The following PCDHA6 variants were observed in gnomAD, a reference collection of about 807,000 sequenced individuals.
PCDHA6 encodes protocadherin alpha-6.
Under a neutral mutation model 60.3 loss-of-function variants are expected in PCDHA6, and 55 were observed. That is an observed-to-expected ratio of 0.91 (90% CI 0.73 to 1.14). The LOEUF is 1.14. Ranked by LOEUF, PCDHA6 falls within the 50% of genes most tolerant of loss-of-function variation. The pLI is 0.00. For missense variants in PCDHA6, 1,327 were observed against 1,256.5 expected (o/e 1.06, Z -0.85); for synonymous variants, 652 against 557.9 (o/e 1.17, Z -2.38).
In PCDHA6 at chr5:140,842,828, T is replaced by G. The variant is rs2150345538; in HGVS notation, c.2394+12343T>G. 123 of 1,593,622 alleles carry G rather than the reference T, an allele frequency of 7.7e-5. 15 individuals carry two copies. Among genetic ancestry groups the G allele is most frequent in the Admixed American group, 1.7e-4 (10 of 59,284 alleles). ...TGTGGAGCGGCGGGTGGGCGAGCGCTCGCTGTCGAGCTACATTTCGGTGCA... is the reference window on the plus strand; with the variant it reads ...TGTGGAGCGGCGGGTGGGCGAGCGCGCGCTGTCGAGCTACATTTCGGTGCA... On this transcript the variant is annotated intron_variant, in intron 1 of 3. Coordinates refer to ENST00000529310, the MANE Select transcript of PCDHA6 (RefSeq NM_018909.4).
intron 1 of PCDHA6, chr5:140,883,607 G>A (rs782736793): frequency 6.2e-7 from 1 of 1,613,968 alleles, no homozygotes; most frequent in Non-Finnish European, 8.5e-7. Context: ...GGGGGTGGCC[G>A]ACGTGAACGA....
intron 1 of PCDHA6, chr5:140,870,282 C>T (rs886699693): frequency 6.2e-7 from 1 of 1,614,228 alleles, no homozygotes; most frequent in Non-Finnish European, 8.5e-7. Context: ...CCCACGTTCC[C>T]TTCAAGCTGG....
chr5:140,968,782 C>T (rs1256152245), intron 1 of PCDHA6: 43 of 1,614,072 alleles, frequency 2.7e-5, no homozygotes, highest in African/African-American at 8.0e-5. Flanking sequence ...CACTATCAGC[C>T]TCTGTGGCCA....
In PCDHA6 at chr5:141,012,190, T is replaced by C. The variant is rs1002658582; in HGVS notation, c.*2253T>C. On this transcript the variant is annotated 3_prime_UTR_variant, in exon 4 of 4. Transcript: ENST00000529310. ...TTAATGATGATAATTATAATGTATCTGTACAGCACTTTTTACATTTGCGAA... is the reference window on the plus strand; with the variant it reads ...TTAATGATGATAATTATAATGTATCCGTACAGCACTTTTTACATTTGCGAA... The C allele has an allele frequency of 2.0e-5, 3 of 153,780 alleles. No homozygotes were observed. Among genetic ancestry groups the C allele is most frequent in the African/African-American group, 7.2e-5 (3 of 41,458 alleles). 9.5% of individuals were successfully genotyped at this position (153,780 alleles called of 1,614,324 possible).
intron 1 of PCDHA6, among the ~76,000 whole-genome samples, chr5:140,908,977 A>T (rs1461491727): frequency 6.6e-6 from 1 of 152,168 alleles, no homozygotes; most frequent in Non-Finnish European, 1.5e-5. Context: ...GCCCCACTCC[A>T]CTGGACCCCT....
At chr5:140,955,847 T>C (rs2095231839) in intron 1 of PCDHA6, among the ~76,000 whole-genome samples, 2 of 152,216 alleles carry the variant, frequency 1.3e-5, no homozygotes, top group Non-Finnish European at 2.9e-5. Context: ...TCATTCTCCT[T>C]GAAGAGGTCC....
At chr5:140,900,049 A>T (rs2067710838) in intron 1 of PCDHA6, among the ~76,000 whole-genome samples, 1 of 152,044 alleles carries the variant, frequency 6.6e-6, no homozygotes, top group Non-Finnish European at 1.5e-5. Flanking sequence ...GGCTCAAGTG[A>T]TCCTTTAACC....
intron 1 of PCDHA6, among the ~76,000 whole-genome samples, chr5:140,957,345 A>G (rs1375707193): frequency 6.6e-6 from 1 of 152,170 alleles, no homozygotes; most frequent in Admixed American, 6.5e-5. Flanking sequence ...ATTTTGAGAG[A>G]GAGACCACAT....
At chr5:140,873,642 G>T (rs1217578025) in intron 1 of PCDHA6, among the ~76,000 whole-genome samples, 1 of 152,154 alleles carries the variant, frequency 6.6e-6, no homozygotes, top group Non-Finnish European at 1.5e-5. Flanking sequence ...GAGTATGTGA[G>T]AACTACATAA....
chr5:140,897,947 T>G (rs1276045551), intron 1 of PCDHA6, among the ~76,000 whole-genome samples: 14 of 152,168 alleles, frequency 9.2e-5, no homozygotes, highest in African/African-American at 3.4e-4. Context: ...CAGTGATGAT[T>G]AGCATTTTTT....
intron 1 of PCDHA6, among the ~76,000 whole-genome samples, chr5:140,945,224 T>C (rs1563213002): frequency 6.6e-6 from 1 of 152,016 alleles, no homozygotes; most frequent in Non-Finnish European, 1.5e-5. Context: ...ATAAAAATAC[T>C]TAGGAATAAA....
At chr5:140,885,462 G>T (rs890056404) in intron 1 of PCDHA6, among the ~76,000 whole-genome samples, 3 of 152,070 alleles carry the variant, frequency 2.0e-5, no homozygotes, top group African/African-American at 7.2e-5. Context: ...ACCTAATGAT[G>T]GGCAATCACT....
At chr5:140,940,593 A>G (rs2092648765) in intron 1 of PCDHA6, among the ~76,000 whole-genome samples, 1 of 152,170 alleles carries the variant, frequency 6.6e-6, no homozygotes, top group Non-Finnish European at 1.5e-5. Flanking sequence ...GATTTCAGGC[A>G]TGAGCCGCTG....
chr5:140,939,811 A>G (rs1554212933), intron 1 of PCDHA6, among the ~76,000 whole-genome samples: 1 of 152,224 alleles, frequency 6.6e-6, no homozygotes, highest in African/African-American at 2.4e-5. Context: ...CATGTTCAAG[A>G]AAAAGCAGTA....
rs2150174658 is a variant in PCDHA6 at position 140,829,784 on chromosome 5, C to T, written c.1693C>T (p.Leu565=). The change falls in exon 1 of 4, where the codon CTG becomes TTG. Residue 565 remains leucine, a synonymous_variant. Coordinates refer to ENST00000529310, the MANE Select transcript of PCDHA6 (RefSeq NM_018909.4). ...VLDENDNAPA[L]LAPRVGGTGG... is the part of the protein sequence containing the mutation. ...GGACGAGAACGACAACGCGCCGGCG[C>T]TGCTGGCGCCTCGGGTGGGTGGTAC... The T allele has an allele frequency of 1.2e-6, 2 of 1,613,724 alleles. No homozygotes were observed. The highest frequency in any genetic ancestry group is 1.7e-6 in the Non-Finnish European group (2 of 1,179,880).
rs2150158991 is a variant in PCDHA6 at position 140,828,786 on chromosome 5, T to C, written c.695T>C (p.Val232Ala). ...LTGTVQLLVTVLDVNDNAPTF... is the reference protein window; with the variant it reads ...LTGTVQLLVTALDVNDNAPTF... ...GGCACTGTTCAGCTGCTGGTCACAG[T>C]GCTGGATGTGAATGATAATGCTCCC... Residue 232 changes from valine (V) to alanine (A), a missense_variant, in exon 1 of 4, where the codon GTG becomes GCG. Physicochemically the swap from Val to Ala is moderately conservative, Grantham distance 64. Transcript: ENST00000529310. 1 of 1,614,102 alleles carries C rather than the reference T, an allele frequency of 6.2e-7. No individual in the cohort carries two copies. The highest frequency in any genetic ancestry group is 8.5e-7 in the Non-Finnish European group (1 of 1,179,998).
intron 1 of PCDHA6, chr5:140,869,394 G>A (rs782128248): frequency 6.2e-7 from 1 of 1,614,078 alleles, no homozygotes; most frequent in Non-Finnish European, 8.5e-7. Flanking sequence ...AGCTGTGCGG[G>A]CAGAGCGCGG....
intron 1 of PCDHA6, among the ~76,000 whole-genome samples, chr5:140,885,964 G>A (rs1326363408): frequency 6.6e-6 from 1 of 151,886 alleles, no homozygotes; most frequent in Non-Finnish European, 1.5e-5. Flanking sequence ...TTTTTATTTT[G>A]AGATAATTAT....
At chr5:140,902,199 CTT>C (rs1290062929) in intron 1 of PCDHA6, among the ~76,000 whole-genome samples, 2 of 139,232 alleles carry the variant, frequency 1.4e-5, no homozygotes, top group Admixed American at 7.2e-5. Flanking sequence ...CTCTCTCTCT[CTT>C]TCTTTTTTTT....
Sources: allele counts gnomAD v4.1 joint callset (sites outside exome capture counted in the v4.1 genomes callset), GRCh38; gene constraint gnomAD v4.1.1; transcripts MANE v1.5; gene names NCBI Gene and HGNC (gene_info 2026-07-23, HGNC 2026-07-21).